The following RUNDC1 variants were observed in gnomAD, a reference collection of about 807,000 sequenced individuals.
RUNDC1 encodes the protein RUN domain-containing protein 1.
Under a neutral mutation model 49.3 loss-of-function variants are expected in RUNDC1, and 31 were observed. The ratio of observed to expected loss-of-function variants is 0.63; its 90% CI spans 0.47 to 0.85. The LOEUF (loss-of-function observed/expected upper bound fraction) is 0.85, where lower values mean the gene tolerates loss of function less well. Among genes scored for constraint, RUNDC1 ranks in the 40% least tolerant of loss-of-function variants. The pLI is 0.00. For synonymous variants in RUNDC1, 347 were observed against 348.6 expected (o/e 1.00, Z 0.05); for missense variants, 715 against 806.7 (o/e 0.89, Z 1.38).
At chr17:42,985,074 A>G (rs570316309) in intron 1 of RUNDC1, among the ~76,000 whole-genome samples, 12 of 151,088 alleles carry the variant, frequency 7.9e-5, no homozygotes, top group Middle Eastern at 3.4e-3. Context: ...TTTTGTAGAG[A>G]CGGGGTTCCA....
chr17:42,986,292 T>A, intron 1 of RUNDC1, among the ~76,000 whole-genome samples: 1 of 151,826 alleles, frequency 6.6e-6, no homozygotes, highest in Non-Finnish European at 1.5e-5. Flanking sequence ...TTTTAAAAAT[T>A]TTTTTGTGGA....
chr17:42,987,851 C>T (rs1040464440), intron 2 of RUNDC1, among the ~76,000 whole-genome samples: 2 of 152,152 alleles, frequency 1.3e-5, no homozygotes, highest in Non-Finnish European at 2.9e-5. Context: ...CTCCTGGGTT[C>T]AAGCAATTCT....
In RUNDC1 at chr17:42,993,721, T is replaced by C. The variant is rs1462595057; in HGVS notation, c.*2005T>C. On this transcript the variant is annotated 3_prime_UTR_variant, in exon 5 of 5. Coordinates refer to ENST00000361677, the MANE Select transcript of RUNDC1 (RefSeq NM_173079.5). The stretch of plus-strand genomic sequence containing the variant: ...ATCCTCTGTCCTCTGTTACGGATCA[T>C]CTCAGCTTTGGTGGTGGTAGTAGGG... 1 of 152,184 alleles carries C rather than the reference T, an allele frequency of 6.6e-6. No homozygotes were observed. The highest frequency in any genetic ancestry group is 1.5e-5 in the Non-Finnish European group (1 of 68,036). 9.4% of individuals were successfully genotyped at this position (152,184 alleles called of 1,614,324 possible).
At chr17:42,989,609 TAA>T (rs979421608) in intron 3 of RUNDC1, 70 bp downstream of exon 3, 1 of 1,412,902 alleles carries the variant, frequency 7.1e-7, no homozygotes, top group African/African-American at 1.4e-5. Context: ...TAAGTACTAG[TAA>T]AAAGGTTCTA....
At chr17:42,987,599 A>G (rs1366738087) in intron 2 of RUNDC1, among the ~76,000 whole-genome samples, 185 bp downstream of exon 2, 1 of 152,248 alleles carries the variant, frequency 6.6e-6, no homozygotes, top group Non-Finnish European at 1.5e-5. Flanking sequence ...TGGAAAACAC[A>G]GATTCCAAAG....
Position 42,991,946 on chromosome 17 carries a change from G to A in RUNDC1, c.*230G>A, listed in dbSNP as rs2050249775. 1.9e-6 allele frequency: 1 copy of A among 517,158 alleles called. No homozygotes were observed. The highest frequency in any genetic ancestry group is 3.5e-6 in the Non-Finnish European group (1 of 288,006). 32.0% of individuals were successfully genotyped at this position (517,158 alleles called of 1,614,324 possible). On this transcript the variant is annotated 3_prime_UTR_variant, in exon 5 of 5. Transcript: ENST00000361677. ...AAGGTTCTGCCAGGCCGGGCGCGGT[G>A]GCTCACACCTGTAATCCCAGCACTT...
chr17:42,987,919 A>G (rs1280267078), intron 2 of RUNDC1, among the ~76,000 whole-genome samples: 1 of 151,898 alleles, frequency 6.6e-6, no homozygotes, highest in Non-Finnish European at 1.5e-5. Flanking sequence ...TGCTGGGCTA[A>G]TTTTGTATTT....
Position 42,991,438 on chromosome 17 carries a change from A to T in RUNDC1, c.1564A>T (p.Met522Leu). Reference protein sequence around the residue: ...PKQSLLTAIHMVLTEHDPFKR... With the variant: ...PKQSLLTAIHLVLTEHDPFKR... The stretch of plus-strand genomic sequence containing the variant: ...ACAGAGCCTACTGACAGCCATCCAC[A>T]TGGTGCTGACAGAGCATGACCCTTT... The change falls in exon 5 of 5, where the codon ATG (methionine) becomes TTG (leucine). Residue 522 changes from methionine (M) to leucine (L), a missense_variant. Met to Leu is a conservative substitution (Grantham distance 15, BLOSUM62 2). Transcript: ENST00000361677. The T allele has an allele frequency of 6.2e-7, 1 of 1,614,182 alleles. No homozygotes were observed. The highest frequency in any genetic ancestry group is 8.5e-7 in the Non-Finnish European group (1 of 1,180,016).
chr17:42,981,121 C>T, intron 1 of RUNDC1, 47 bp downstream of exon 1: 2 of 1,517,840 alleles, frequency 1.3e-6, no homozygotes, highest in Non-Finnish European at 1.8e-6. Context: ...ATAGTGGGGT[C>T]GTGTGGGTGG....
rs2050240214 is a variant in RUNDC1, at chr17:42,991,406, C to T, written c.1532C>T (p.Thr511Ile). ...CCTGTTACGGGAGGCACTGTTGTCA[C>T]CCCCAAACAGAGCCTACTGACAGCC... ...ALPVTGGTVV[T>I]PKQSLLTAIH... Residue 511 changes from threonine (T) to isoleucine (I), a missense_variant, in exon 5 of 5, where the codon ACC (threonine) becomes ATC (isoleucine). Transcript: ENST00000361677. 5.6e-6 allele frequency: 9 copies of T among 1,614,070 alleles called. No individual in the cohort carries two copies. Among genetic ancestry groups the T allele is most frequent in the African/African-American group, 1.3e-5 (1 of 74,916 alleles).
chr17:42,985,179 G>A (rs772277386), intron 1 of RUNDC1, among the ~76,000 whole-genome samples: 1 of 152,102 alleles, frequency 6.6e-6, no homozygotes, highest in Non-Finnish European at 1.5e-5. Context: ...GAGCCACTGC[G>A]TTCGGCCATA....
chr17:42,980,607 G>A lies in RUNDC1; in HGVS notation c.31G>A (p.Val11Ile), dbSNP rs1191597359. Reference protein sequence around the residue: MAAVEAAAEPVTVVAAVGPKA... With the variant: MAAVEAAAEPITVVAAVGPKA... ...GGCTGTCGAAGCGGCTGCAGAGCCG[G>A]TAACGGTGGTGGCGGCTGTTGGGCC... Residue 11 changes from valine to isoleucine, a missense_variant, in exon 1 of 5, where the codon GTA becomes ATA. This residue lies in a region of RUNDC1 where 153 missense variants were observed against 139.4 expected (regional missense o/e 1.10). Coordinates refer to ENST00000361677, the MANE Select transcript of RUNDC1 (RefSeq NM_173079.5). 1.2e-6 allele frequency: 2 copies of A among 1,609,482 alleles called. No homozygotes were observed. The highest frequency in any genetic ancestry group is 2.7e-5 in the African/African-American group (2 of 74,828).
chr17:42,982,470 A>G (rs977247530), intron 1 of RUNDC1, among the ~76,000 whole-genome samples: 1 of 152,142 alleles, frequency 6.6e-6, no homozygotes. Context: ...TCCTTACACA[A>G]GGAGCAGCCA....
intron 1 of RUNDC1, among the ~76,000 whole-genome samples, chr17:42,985,907 CT>C (rs1192936745): frequency 6.6e-6 from 1 of 151,988 alleles, no homozygotes; most frequent in African/African-American, 2.4e-5. Context: ...CTTACAGATA[CT>C]TTTTTTTAAA....
chr17:42,980,607 G>C lies in RUNDC1; in HGVS notation c.31G>C (p.Val11Leu). 1.2e-6 allele frequency: 2 copies of C among 1,609,596 alleles called. No individual in the cohort carries two copies. Among genetic ancestry groups the C allele is most frequent in the African/African-American group, 1.3e-5 (1 of 74,948 alleles). ...GGCTGTCGAAGCGGCTGCAGAGCCG[G>C]TAACGGTGGTGGCGGCTGTTGGGCC... Reference protein sequence around the residue: MAAVEAAAEPVTVVAAVGPKA... With the variant: MAAVEAAAEPLTVVAAVGPKA... Residue 11 changes from valine (V) to leucine (L), a missense_variant, in exon 1 of 5, where the codon GTA becomes CTA. Val to Leu is a conservative substitution (Grantham distance 32, BLOSUM62 1). Around this residue, in one of 5 missense-constraint regions of RUNDC1, gnomAD observed 153 missense variants for 139.4 expected, o/e 1.10. Transcript: ENST00000361677.
At chr17:42,981,169 C>G (rs989537306) in intron 1 of RUNDC1, 95 bp downstream of exon 1, 1 of 1,399,288 alleles carries the variant, frequency 7.1e-7, no homozygotes, top group African/African-American at 1.5e-5. Flanking sequence ...CGGGGAGAAG[C>G]CTCCCCGACT....
At chr17:42,985,768 A>G (rs1238904867) in intron 1 of RUNDC1, 1 of 761,246 alleles carries the variant, frequency 1.3e-6, no homozygotes, top group Admixed American at 6.3e-5. Flanking sequence ...GAGACTCAAG[A>G]AAGACAAGGA....
chr17:42,984,136 A>G (rs1005325643), intron 1 of RUNDC1, among the ~76,000 whole-genome samples: 2 of 151,880 alleles, frequency 1.3e-5, no homozygotes, highest in Non-Finnish European at 2.9e-5. Context: ...TGACTAGCTA[A>G]TTAAAAAATA....
At position 42,991,639 on chromosome 17, in the gene RUNDC1, C is replaced by G; in HGVS notation, c.1765C>G (p.Arg589Gly). ...GFESALNLLS[R>G]LSSLKFSLPV... The stretch of plus-strand genomic sequence containing the variant: ...TGAGAGTGCCCTCAACCTGCTCAGT[C>G]GCCTCAGCAGCCTCAAGTTTAGCCT... Residue 589 changes from arginine to glycine, a missense_variant, in exon 5 of 5, where the codon CGC becomes GGC. This residue lies in a region of RUNDC1 where 425 missense variants were observed against 499.7 expected (regional missense o/e 0.85). Transcript: ENST00000361677. 6.2e-7 allele frequency: 1 copy of G among 1,614,122 alleles called. No homozygotes were observed. The highest frequency in any genetic ancestry group is 2.2e-5 in the East Asian group (1 of 44,886).
Sources: gnomAD v4.1 joint callset for allele counts (sites outside exome capture counted in the v4.1 genomes callset) on GRCh38, gnomAD v4.1.1 for gene constraint, gnomAD v4.1.1 regional missense constraint, MANE v1.5 for transcripts, NCBI Gene and HGNC (gene_info 2026-07-23, HGNC 2026-07-21) for gene names.